The following CAMSAP2 variants were observed in gnomAD, a reference collection of about 807,000 sequenced individuals.
CAMSAP2 encodes calmodulin-regulated spectrin-associated protein 2.
A neutral mutation model predicts 146.1 loss-of-function variants in CAMSAP2; 26 were observed. The ratio of observed to expected loss-of-function variants is 0.18; its 90% CI spans 0.13 to 0.25. The LOEUF is 0.25. CAMSAP2 is among the 10% of genes least tolerant of loss of function. The pLI is 1.00. For synonymous variants in CAMSAP2, 499 were observed against 596.6 expected (o/e 0.84, Z 2.38); for missense variants, 1,381 against 1,759.3 (o/e 0.78, Z 3.85).
intron 2 of CAMSAP2, among the ~76,000 whole-genome samples, chr1:200,797,423 G>C (rs1190683589): frequency 1.3e-5 from 2 of 151,156 alleles, no homozygotes; most frequent in Admixed American, 1.3e-4. Flanking sequence ...GATGGCCAGC[G>C]ATGGTGAGCA....
intron 4 of CAMSAP2, chr1:200,828,586 G>T: frequency 6.5e-7 from 1 of 1,549,988 alleles, no homozygotes; most frequent in East Asian, 2.4e-5. Context: ...CCTTCCAAAT[G>T]GTTTTGGAAA....
chr1:200,781,764 G>A (rs987125209), intron 2 of CAMSAP2, among the ~76,000 whole-genome samples: 2 of 151,786 alleles, frequency 1.3e-5, no homozygotes, highest in African/African-American at 4.8e-5. Flanking sequence ...GGCTGGTTTC[G>A]AACTCTTGGG....
intron 2 of CAMSAP2, among the ~76,000 whole-genome samples, chr1:200,790,539 G>C (rs1437920614): frequency 1.3e-5 from 2 of 152,138 alleles, no homozygotes; most frequent in East Asian, 3.9e-4. Flanking sequence ...TCCAGCACTG[G>C]TTCCCTTGGC....
chr1:200,792,642 G>A (rs1215260499), intron 2 of CAMSAP2, among the ~76,000 whole-genome samples: 4 of 152,202 alleles, frequency 2.6e-5, no homozygotes, highest in African/African-American at 2.4e-5. Context: ...AAGAGACTCC[G>A]TCTCGGGCAG....
chr1:200,781,354 T>A (rs1393848096), intron 2 of CAMSAP2, among the ~76,000 whole-genome samples: 1 of 152,174 alleles, frequency 6.6e-6, no homozygotes, highest in Non-Finnish European at 1.5e-5. Context: ...AGCAATTATG[T>A]TGAGTGGTGG....
chr1:200,843,305 G>C (rs1667374767), intron 7 of CAMSAP2, among the ~76,000 whole-genome samples: 1 of 152,202 alleles, frequency 6.6e-6, no homozygotes, highest in Admixed American at 6.5e-5. Flanking sequence ...GCATAGTCTA[G>C]TGAGTACAAT....
At chr1:200,790,064 A>G (rs1665705318) in intron 2 of CAMSAP2, among the ~76,000 whole-genome samples, 1 of 152,156 alleles carries the variant, frequency 6.6e-6, no homozygotes, top group Non-Finnish European at 1.5e-5. Context: ...CTATAGTCCT[A>G]TAATTAGGTC....
chr1:200,841,795 A>G (rs1667329379), intron 6 of CAMSAP2, among the ~76,000 whole-genome samples, 199 bp from the exon 7 acceptor site: 1 of 152,208 alleles, frequency 6.6e-6, no homozygotes, highest in South Asian at 2.1e-4. Context: ...CTATAGAGCA[A>G]ATGATCAGCA....
chr1:200,763,951 G>A (rs972650216), intron 2 of CAMSAP2, among the ~76,000 whole-genome samples: 10 of 152,196 alleles, frequency 6.6e-5, no homozygotes, highest in African/African-American at 2.4e-4. Context: ...GCAGGCACCT[G>A]TAACCCGAGG....
chr1:200,807,457 G>A lies in CAMSAP2; in HGVS notation c.481G>A (p.Ala161Thr). 3 of 1,608,714 alleles carry A rather than the reference G, an allele frequency of 1.9e-6. No individual in the cohort carries two copies. The highest frequency in any genetic ancestry group is 2.5e-6 in the Non-Finnish European group (3 of 1,176,690). ...CAGTATAGAAAAAGTAATTGCGTGT[G>A]CTCAGCAGTATTCAGCTTTTTTTCA... ...MVSIEKVIAC[A>T]QQYSAFFQAT... The change falls in exon 3 of 17, where the codon GCT (alanine) becomes ACT (threonine). Residue 161 changes from alanine (A) to threonine (T), a missense_variant. Around this residue, in one of 4 missense-constraint regions of CAMSAP2, gnomAD observed 284 missense variants for 406.9 expected, o/e 0.70. Coordinates refer to ENST00000358823, the MANE Select transcript of CAMSAP2 (RefSeq NM_203459.4).
At chr1:200,782,299 T>TA (rs749149583) in intron 2 of CAMSAP2, among the ~76,000 whole-genome samples, 13 of 152,140 alleles carry the variant, frequency 8.5e-5, no homozygotes, top group Non-Finnish European at 1.8e-4. Flanking sequence ...ACTTACTTTT[T>TA]AAAAAATCAA....
At position 200,817,185 on chromosome 1, in the gene CAMSAP2, C is replaced by CATATGTGTGTGTGTAT. The variant is rs1262119747; in HGVS notation, c.645+1542_645+1543insTATGTGTGTGTGTATA. 6.2e-4 allele frequency among the ~76,000 whole-genome samples: 44 copies of CATATGTGTGTGTGTAT among 70,776 alleles called. 2 individuals carry two copies. Among genetic ancestry groups the CATATGTGTGTGTGTAT allele is most frequent in the Admixed American group, 1.6e-3 (11 of 6,686 alleles). 46.4% of individuals were successfully genotyped at this position (70,776 alleles called of 152,430 possible). A position where few individuals can be genotyped will look rare whatever the true frequency, so the allele number is the denominator to read the frequency against. On this transcript the variant is annotated intron_variant, in intron 4 of 16. Transcript: ENST00000358823. ...ACACACGTGTGTGTATATACACACA[C>CATATGTGTGTGTGTAT]ACACATGTGTGTGTGTATACACACA...
At chr1:200,823,558 T>TA (rs1666827847) in intron 4 of CAMSAP2, among the ~76,000 whole-genome samples, 1 of 152,226 alleles carries the variant, frequency 6.6e-6, no homozygotes, top group Non-Finnish European at 1.5e-5. Flanking sequence ...TTCTCATGGT[T>TA]AGACTGGAGT....
chr1:200,835,516 GA>G (rs1204166434), intron 6 of CAMSAP2, among the ~76,000 whole-genome samples: 1 of 152,134 alleles, frequency 6.6e-6, no homozygotes, highest in Non-Finnish European at 1.5e-5. Flanking sequence ...AGCAGAGAAC[GA>G]AATGGCAGGG....
intron 11 of CAMSAP2, 70 bp from the exon 12 acceptor site, chr1:200,852,471 C>G: frequency 6.5e-7 from 1 of 1,539,500 alleles, no homozygotes; most frequent in Non-Finnish European, 8.8e-7. Context: ...CAAAATGTGA[C>G]TACAACAATT....
At chr1:200,801,167 G>A (rs1418939427) in intron 2 of CAMSAP2, among the ~76,000 whole-genome samples, 1 of 152,046 alleles carries the variant, frequency 6.6e-6, no homozygotes, top group Non-Finnish European at 1.5e-5. Flanking sequence ...GGGAGGCTGA[G>A]GCAGGAGAAT....
Position 200,857,247 on chromosome 1 carries a change from A to G in CAMSAP2, c.4013-59A>G. 6 of 1,104,108 alleles carry G rather than the reference A, an allele frequency of 5.4e-6. No individual in the cohort carries two copies. The highest frequency in any genetic ancestry group is 8.2e-6 in the Non-Finnish European group (6 of 728,600). The allele number at this position is 1,104,108 out of a possible 1,614,324, so 68.4% of individuals were successfully genotyped here. A position where few individuals can be genotyped will look rare whatever the true frequency, so the allele number is the denominator to read the frequency against. ...AGGAACAATTACATCATTTTAAAAT[A>G]GTAGTATTTCTGACTTAGGAATGTT... On this transcript the variant is annotated intron_variant, in intron 15 of 16. Transcript: ENST00000358823. This position sits in a 1 kb window ranked among gnomAD's most constrained non-coding sequence, Gnocchi z 4.7.
intron 4 of CAMSAP2, among the ~76,000 whole-genome samples, chr1:200,830,276 C>A (rs1667008988): frequency 6.6e-6 from 1 of 152,002 alleles, no homozygotes; most frequent in African/African-American, 2.4e-5. Flanking sequence ...ACCATAGATA[C>A]TTATTGCTAA....
intron 11 of CAMSAP2, among the ~76,000 whole-genome samples, chr1:200,851,039 C>T (rs969600496): frequency 2.6e-5 from 4 of 152,068 alleles, no homozygotes; most frequent in African/African-American, 4.8e-5. Flanking sequence ...TTTATAATTC[C>T]TTCAGTCGAG....
Sources: allele counts gnomAD v4.1 joint callset (sites outside exome capture counted in the v4.1 genomes callset), GRCh38; gene constraint gnomAD v4.1.1; regional missense constraint gnomAD v4.1.1; non-coding constraint Gnocchi (gnomAD v3.1); transcripts MANE v1.5; gene names NCBI Gene and HGNC (gene_info 2026-07-23, HGNC 2026-07-21).